Variants in CIAO3 observed in about 807,000 individuals in gnomAD.
CIAO3 encodes LET1 like/JFP15.
In CIAO3, 45 loss-of-function variants were observed where a neutral mutation model predicts 51.5. The observed-to-expected ratio is 0.87, with a 90% CI of 0.69 to 1.12. The LOEUF is 1.12. Ranked by LOEUF, CIAO3 falls within the 50% of genes most tolerant of loss-of-function variation. CIAO3 has a pLI of 0.00. For synonymous variants in CIAO3, 314 were observed against 269.3 expected (o/e 1.17, Z -1.63); for missense variants, 668 against 632.5 (o/e 1.06, Z -0.60).
rs776157766 is a variant in CIAO3, at chr16:732,362, T to C, written c.835A>G (p.Arg279Gly). The C allele has an allele frequency of 3.1e-6, 5 of 1,612,756 alleles. No individual in the cohort carries two copies. The highest frequency in any genetic ancestry group is 4.2e-6 in the Non-Finnish European group (5 of 1,179,872). Residue 279 changes from arginine to glycine, a missense_variant, in exon 8 of 11, where the codon AGG (arginine) becomes GGG (glycine). By Grantham distance (125) the Arg-to-Gly change is moderately radical (BLOSUM62 -2). Coordinates refer to ENST00000251588, the MANE Select transcript of CIAO3 (RefSeq NM_022493.3). ...DCVLTTGEVF[R>G]LLEEEGVSLP... ...GAGACGCCCTCTTCCTCCAGCAACC[T>C]GAAAACTTCTCCTGCAAAGAAGCCA...
Position 730,641 on chromosome 16 carries a change from C to G in CIAO3, c.1207G>C (p.Gly403Arg), listed in dbSNP as rs774640747. Residue 403 changes from glycine to arginine, a missense_variant, in exon 11 of 11, where the codon GGG becomes CGG. Physicochemically the swap from Gly to Arg is moderately radical, Grantham distance 125. Transcript: ENST00000251588. ...MACPSGCLNG[G>R]GQLQAPDRPS... ...CTGTCTGGGGCCTGGAGCTGGCCCC[C>G]GCCGTTCAGGCAGCCTATGGGAGAG... is the stretch of plus-strand genomic sequence containing the variant. 3 of 1,609,286 alleles carry G rather than the reference C, an allele frequency of 1.9e-6. No homozygotes were observed. Among genetic ancestry groups the G allele is most frequent in the Non-Finnish European group, 2.5e-6 (3 of 1,179,856 alleles).
At chr16:734,042 C>A in intron 6 of CIAO3, 187 bp downstream of exon 6, 2 of 595,112 alleles carry the variant, frequency 3.4e-6, no homozygotes, top group Non-Finnish European at 6.0e-6. Context: ...ACCTCTGGAT[C>A]AGAACGAAGC....
At chr16:733,151 G>A in intron 7 of CIAO3, 147 bp downstream of exon 7, 2 of 1,042,296 alleles carry the variant, frequency 1.9e-6, no homozygotes, top group Non-Finnish European at 2.7e-6. Context: ...TCCAAGGGGA[G>A]AGACGAAGGT....
intron 5 of CIAO3, 142 bp from the exon 6 acceptor site, chr16:734,489 C>A (rs1054469020): frequency 3.6e-6 from 3 of 845,026 alleles, no homozygotes; most frequent in Non-Finnish European, 5.7e-6. Context: ...CCTGTTCTCC[C>A]CACCACCACG....
rs781668722 is a variant in CIAO3, at chr16:734,680, C to G, written c.574+57G>C. On this transcript the variant is annotated intron_variant, in intron 5 of 10. Coordinates refer to ENST00000251588, the MANE Select transcript of CIAO3 (RefSeq NM_022493.3). ...GCCTTGTCATTTGTGTCCATATCAC[C>G]TCACGTTTCAACTGCACTTGAACTT... 5.6e-6 allele frequency: 9 copies of G among 1,612,670 alleles called. No homozygotes were observed. In the East Asian group the frequency reaches 2.0e-4, roughly 36 times the overall value.
chr16:738,521 TTTTTG>T (rs2041361611), intron 2 of CIAO3: 1 of 174,446 alleles, frequency 5.7e-6, no homozygotes, highest in African/African-American at 2.5e-5. Flanking sequence ...CTAATTTTTT[TTTTTG>T]TATTTTTAGT....
Position 730,939 on chromosome 16 carries a change from T to C in CIAO3, c.1096A>G (p.Met366Val), listed in dbSNP as rs781215271. ...TGGATGTTGCGGAAGCCGTACGCCA[T>C]TGCGAAGTGCAGCAGCACCTGGCCC... ...KEGQVLLHFA[M>V]AYGFRNIQNL... Residue 366 changes from methionine to valine, a missense_variant, in exon 10 of 11, where the codon ATG (methionine) becomes GTG (valine). Physicochemically the swap from Met to Val is conservative, Grantham distance 21 (BLOSUM62 1). Coordinates refer to ENST00000251588, the MANE Select transcript of CIAO3 (RefSeq NM_022493.3). 2.5e-6 allele frequency: 4 copies of C among 1,612,846 alleles called. No homozygotes were observed. The South Asian group carries it at 3.3e-5, about 13-fold the overall frequency.
chr16:733,226 G>A (rs1472060943), intron 7 of CIAO3, 72 bp downstream of exon 7: 3 of 1,579,112 alleles, frequency 1.9e-6, no homozygotes, highest in East Asian at 4.5e-5. Context: ...CTGGGCAGTC[G>A]CCACCTGTGC....
At position 733,027 on chromosome 16, in the gene CIAO3, G is replaced by C. The variant is rs192755646; in HGVS notation, c.823+271C>G. ...CATGGGAGCTGAAGAGGCTGCATTC[G>C]AGAATCTCTGCCCACCTCCAAAGAC... On this transcript the variant is annotated intron_variant, in intron 7 of 10. Coordinates refer to ENST00000251588, the MANE Select transcript of CIAO3 (RefSeq NM_022493.3). The C allele has an allele frequency of 6.6e-6, 3 of 451,812 alleles. No homozygotes were observed. The East Asian group carries it at 1.3e-4, about 19-fold the overall frequency. The allele number at this position is 451,812 out of a possible 1,614,324, so 28.0% of individuals were successfully genotyped here.
At position 736,527 on chromosome 16, in the gene CIAO3, T is replaced by G. The variant is rs1596674131; in HGVS notation, c.307-129A>C. 6 of 1,208,988 alleles carry G rather than the reference T, an allele frequency of 5.0e-6. No individual in the cohort carries two copies. The East Asian group carries it at 1.2e-4, about 25-fold the overall frequency. 74.9% of individuals were successfully genotyped at this position (1,208,988 alleles called of 1,614,324 possible). A position where few individuals can be genotyped will look rare whatever the true frequency, so the allele number is the denominator to read the frequency against. Reference sequence around the variant, plus strand: ...CAGCTCCATCAAGAGTCTTTTTTTTTTTTTTAACACAGAGTCTCACTCTGT... The same window carrying G: ...CAGCTCCATCAAGAGTCTTTTTTTTGTTTTTAACACAGAGTCTCACTCTGT... On this transcript the variant is annotated intron_variant, in intron 3 of 10. Transcript: ENST00000251588.
In CIAO3 at chr16:730,530, C is replaced by T. The variant is rs966669823; in HGVS notation, c.1318G>A (p.Glu440Lys). Residue 440 changes from glutamate (E) to lysine (K), a missense_variant, in exon 11 of 11, where the codon GAG becomes AAG. Physicochemically the swap from Glu to Lys is moderately conservative, Grantham distance 56. Coordinates refer to ENST00000251588, the MANE Select transcript of CIAO3 (RefSeq NM_022493.3). ...CCCTGCAGCCAGTGTGTGTACAGCTCCTGAACCCCAGGCGCGTCCTCGGGC... is the reference window on the plus strand; with the variant it reads ...CCCTGCAGCCAGTGTGTGTACAGCTTCTGAACCCCAGGCGCGTCCTCGGGC... ...EAPEDAPGVQ[E>K]LYTHWLQGTD... 1 of 1,610,928 alleles carries T rather than the reference C, an allele frequency of 6.2e-7. No individual in the cohort carries two copies. Among genetic ancestry groups the T allele is most frequent in the Admixed American group, 1.7e-5 (1 of 60,032 alleles).
At position 730,424 on chromosome 16, in the gene CIAO3, C is replaced by CG. The variant is rs754677120; in HGVS notation, c.1423dup (p.Arg475ProfsTer18). ...GTCCTGGTCCTGCAGCCCCTACCAC[C>CG]GGATGCCCAGGCCAGTGCTGGCCTT... On this transcript the variant is annotated frameshift_variant, in exon 11 of 11. Coordinates refer to ENST00000251588, the MANE Select transcript of CIAO3 (RefSeq NM_022493.3). LOFTEE classifies it high-confidence loss of function. 6.2e-7 allele frequency: 1 copy of CG among 1,601,616 alleles called. No homozygotes were observed. Among genetic ancestry groups the CG allele is most frequent in the East Asian group, 2.2e-5 (1 of 44,878 alleles).
In CIAO3 at chr16:730,373, TCA is replaced by T; in HGVS notation, c.*42_*43del. 6.4e-7 allele frequency: 1 copy of T among 1,562,506 alleles called. No individual in the cohort carries two copies. Among genetic ancestry groups the T allele is most frequent in the South Asian group, 1.1e-5 (1 of 89,342 alleles). On this transcript the variant is annotated 3_prime_UTR_variant, in exon 11 of 11. Transcript: ENST00000251588. ...GGTCTTGGGGCATGTGGTTCTGCTG[TCA>T]CACATGGACACGGCCTCCTGGGAGT... is the stretch of plus-strand genomic sequence containing the variant.
At chr16:738,347 TTC>T (rs2041359254) in intron 2 of CIAO3, 2 of 962,940 alleles carry the variant, frequency 2.1e-6, no homozygotes, top group Non-Finnish European at 2.4e-6. Flanking sequence ...TTTTAATAGT[TTC>T]TTTTTTTTTT....
At chr16:740,083 C>A (rs970585383) in intron 1 of CIAO3, 1 of 1,342,654 alleles carries the variant, frequency 7.4e-7, no homozygotes, top group Non-Finnish European at 9.8e-7. Flanking sequence ...CACTGCCCAT[C>A]GAGAGGACGT....
Position 729,855 on chromosome 16 carries a change from C to T in CIAO3, c.*562G>A. On this transcript the variant is annotated 3_prime_UTR_variant, in exon 11 of 11. Transcript: ENST00000251588. ...GGGATGATGCAGCCCGCGATGGCTG[C>T]TGCTTCGTACTTGGCTTGCCCCGGA... The T allele has an allele frequency of 1.9e-6, 1 of 534,876 alleles. No homozygotes were observed. Among genetic ancestry groups the T allele is most frequent in the Non-Finnish European group, 2.9e-6 (1 of 339,964 alleles). The allele number at this position is 534,876 out of a possible 1,614,324, so 33.1% of individuals were successfully genotyped here. A position where few individuals can be genotyped will look rare whatever the true frequency, so the allele number is the denominator to read the frequency against.
In CIAO3 at chr16:730,559, T is replaced by A; in HGVS notation, c.1289A>T (p.Glu430Val). The A allele has an allele frequency of 6.2e-7, 1 of 1,610,968 alleles. No individual in the cohort carries two copies. Among genetic ancestry groups the A allele is most frequent in the Non-Finnish European group, 8.5e-7 (1 of 1,179,980 alleles). Residue 430 changes from glutamate (E) to valine (V), a missense_variant, in exon 11 of 11, where the codon GAG becomes GTG. Transcript: ENST00000251588. ...VERLYGMVRA[E>V]APEDAPGVQE... is the part of the protein sequence containing the mutation. ...AACCCCAGGCGCGTCCTCGGGCGCC[T>A]CAGCCCGGACCATGCCGTACAGTCT...
At chr16:736,193 C>T (rs918552905) in intron 4 of CIAO3, 73 bp downstream of exon 4, 12 of 1,581,808 alleles carry the variant, frequency 7.6e-6, no homozygotes, top group African/African-American at 1.3e-5. Flanking sequence ...GACTCAGAGG[C>T]GCGAGGGGCC....
intron 7 of CIAO3, chr16:732,681 G>A (rs1460796579): frequency 2.4e-6 from 1 of 412,216 alleles, no homozygotes; most frequent in African/African-American, 2.1e-5. Context: ...CTGCCGCCCA[G>A]GCTGGAGTGC....
Sources: allele counts gnomAD v4.1 joint callset, GRCh38; gene constraint gnomAD v4.1.1; transcripts MANE v1.5; gene names NCBI Gene and HGNC (gene_info 2026-07-23, HGNC 2026-07-21).